The following PARP1 variants were observed in gnomAD, a reference collection of about 807,000 sequenced individuals.
PARP1 encodes poly(ADP-ribose) polymerase 1, also known as poly [ADP-ribose] polymerase 1.
PARP1 carries 44 observed loss-of-function variants against 118.7 expected under a neutral mutation model. That is an observed-to-expected ratio of 0.37 (90% CI 0.29 to 0.48). PARP1 has a LOEUF of 0.48. Ranked by LOEUF, PARP1 falls within the 20% of genes least tolerant of loss-of-function variation. The pLI, the probability that PARP1 is intolerant of heterozygous loss-of-function variation, is 0.99. For missense variants in PARP1, 1,100 were observed against 1,272.4 expected (o/e 0.86, Z 2.06); for synonymous variants, 492 against 483.2 (o/e 1.02, Z -0.24).
chr1:226,394,153 A>G (rs745578239), intron 2 of PARP1, among the ~76,000 whole-genome samples: 1 of 152,206 alleles, frequency 6.6e-6, no homozygotes, highest in African/African-American at 2.4e-5. Context: ...GTTCAAGACC[A>G]GCCTGGGCAA....
intron 19 of PARP1, among the ~76,000 whole-genome samples, chr1:226,364,638 T>C (rs1664216052): frequency 6.6e-6 from 1 of 152,188 alleles, no homozygotes; most frequent in Non-Finnish European, 1.5e-5. Context: ...AGGTAAAGCC[T>C]TACTCATTCA....
In PARP1 at chr1:226,384,833, T is replaced by C. The variant is rs558298141; in HGVS notation, c.1011+671A>G. On this transcript the variant is annotated intron_variant, in intron 7 of 22. Transcript: ENST00000366794. ...GGTAACGATTCCTGAGTGTGTACTG[T>C]GTGCCGCTGTTCCAAGTGCAACAGC... 1.1e-4 allele frequency among the ~76,000 whole-genome samples: 16 copies of C among 152,254 alleles called. No individual in the cohort carries two copies. In the South Asian group the frequency reaches 1.9e-3, roughly 18 times the overall value.
chr1:226,400,831 C>T (rs1376320154), intron 2 of PARP1, among the ~76,000 whole-genome samples: 4 of 152,224 alleles, frequency 2.6e-5, no homozygotes, highest in African/African-American at 9.6e-5. Flanking sequence ...ATGGATAATG[C>T]TGCTCCCTTC....
At chr1:226,407,079 A>T (rs1665164019) in intron 1 of PARP1, among the ~76,000 whole-genome samples, 2 of 152,250 alleles carry the variant, frequency 1.3e-5, no homozygotes, top group Non-Finnish European at 1.5e-5. Context: ...CAAGCCCACC[A>T]CCTCACAGAA....
chr1:226,405,479 CAT>C (rs985816003), intron 1 of PARP1, among the ~76,000 whole-genome samples: 1 of 152,034 alleles, frequency 6.6e-6, no homozygotes, highest in African/African-American at 2.4e-5. Context: ...CTAATCATTG[CAT>C]TTTTTTGTAG....
At chr1:226,378,996 C>T (rs1193342982) in intron 12 of PARP1, 146 bp downstream of exon 12, 10 of 966,744 alleles carry the variant, frequency 1.0e-5, no homozygotes, top group Admixed American at 8.5e-5. Context: ...AAGCAAAGGC[C>T]TTATAATTTG....
intron 21 of PARP1, 137 bp downstream of exon 21, chr1:226,362,962 A>C (rs924227135): frequency 4.2e-6 from 3 of 710,654 alleles, no homozygotes; most frequent in African/African-American, 1.8e-5. Context: ...ACGCACACAC[A>C]CCCCTCGAAA....
In PARP1 at chr1:226,379,909, T is replaced by C. The variant is rs747206831; in HGVS notation, c.1543+13A>G. On this transcript the variant is annotated intron_variant, in intron 10 of 22. Coordinates refer to ENST00000366794, the MANE Select transcript of PARP1 (RefSeq NM_001618.4). ...GGCTTTTGGCCCTGGAGGGGGCAGC[T>C]TGGGGCCCTCACCTTCCTCCTTGAC... 48 of 1,613,012 alleles carry C rather than the reference T, an allele frequency of 3.0e-5. No individual in the cohort carries two copies. Among genetic ancestry groups the C allele is most frequent in the Admixed American group, 1.3e-4 (8 of 60,008 alleles).
Position 226,377,103 on chromosome 1 carries a change from G to C in PARP1, c.1941+5C>G. 6.2e-7 allele frequency: 1 copy of C among 1,612,274 alleles called. No individual in the cohort carries two copies. Among genetic ancestry groups the C allele is most frequent in the Non-Finnish European group, 8.5e-7 (1 of 1,178,940 alleles). ...GCAGACAGTGTAAGGGCATTATGTG[G>C]TTACCTGGCCATAGTCAATCTCCAG... On this transcript the variant is annotated splice_donor_5th_base_variant and intron_variant, in intron 13 of 22. Coordinates refer to ENST00000366794, the MANE Select transcript of PARP1 (RefSeq NM_001618.4).
chr1:226,376,932 C>T (rs1664499438), intron 13 of PARP1, among the ~76,000 whole-genome samples, 176 bp downstream of exon 13: 1 of 152,120 alleles, frequency 6.6e-6, no homozygotes, highest in African/African-American at 2.4e-5. Flanking sequence ...ATGCAATGAG[C>T]TGGGAAGTAT....
chr1:226,392,406 T>C, intron 2 of PARP1, 92 bp from the exon 3 acceptor site: 1 of 846,842 alleles, frequency 1.2e-6, no homozygotes, highest in South Asian at 1.3e-5. Flanking sequence ...CCAGGATCCT[T>C]CCACTAGGAC....
chr1:226,392,915 GC>G (rs753901716), intron 2 of PARP1: 46 of 1,564,370 alleles, frequency 2.9e-5, no homozygotes, highest in Non-Finnish European at 3.9e-5. Context: ...AATGTTTCTT[GC>G]CTAAGATTAG....
intron 5 of PARP1, among the ~76,000 whole-genome samples, 181 bp from the exon 6 acceptor site, chr1:226,386,623 T>G (rs1269199419): frequency 6.6e-6 from 1 of 152,208 alleles, no homozygotes; most frequent in Non-Finnish European, 1.5e-5. Context: ...GGACACCAAA[T>G]TAAACCTGCT....
At position 226,370,442 on chromosome 1, in the gene PARP1, C is replaced by A; in HGVS notation, c.2146G>T (p.Val716Phe). The A allele has an allele frequency of 6.2e-7, 1 of 1,613,714 alleles. No homozygotes were observed. Among genetic ancestry groups the A allele is most frequent in the Middle Eastern group, 1.7e-4 (1 of 6,060 alleles). Residue 716 changes from valine (V) to phenylalanine (F), a missense_variant, in exon 15 of 23, where the codon GTC (valine) becomes TTC (phenylalanine). Physicochemically the swap from Val to Phe is conservative, Grantham distance 50. Around this residue, in one of 2 missense-constraint regions of PARP1, gnomAD observed 948 missense variants for 1,031.8 expected, o/e 0.92. Coordinates refer to ENST00000366794, the MANE Select transcript of PARP1 (RefSeq NM_001618.4). Reference protein sequence around the residue: ...IQAAYSILSEVQQAVSQGSSD... With the variant: ...IQAAYSILSEFQQAVSQGSSD... Reference sequence around the variant, plus strand: ...GGTAGCCCTGTGCTTACCTGCTGGACCTCACTGAGGATGGAGTATGCGGCC... The same window carrying A: ...GGTAGCCCTGTGCTTACCTGCTGGAACTCACTGAGGATGGAGTATGCGGCC...
chr1:226,374,200 CAG>C lies in PARP1; in HGVS notation c.2070+24_2070+25del, dbSNP rs1664447523. 2.5e-6 allele frequency: 4 copies of C among 1,612,610 alleles called. No homozygotes were observed. The South Asian group carries it at 4.4e-5, about 18-fold the overall frequency. On this transcript the variant is annotated intron_variant, in intron 14 of 22. Coordinates refer to ENST00000366794, the MANE Select transcript of PARP1 (RefSeq NM_001618.4). ...AATAATCATCCACAGCAAATGCTCA[CAG>C]ATAAAATGATAAAGCGCAATAACCT...
At chr1:226,363,035 G>A (rs1664181497) in intron 21 of PARP1, 64 bp downstream of exon 21, 2 of 1,126,490 alleles carry the variant, frequency 1.8e-6, no homozygotes, top group Non-Finnish European at 2.7e-6. Flanking sequence ...AGGACAGCAA[G>A]CCCCCGGCTT....
At chr1:226,367,281 T>G (rs1393173242) in intron 17 of PARP1, 199 bp downstream of exon 17, 4 of 643,560 alleles carry the variant, frequency 6.2e-6, no homozygotes, top group Non-Finnish European at 1.1e-5. Context: ...AGGTGCATTA[T>G]CTACACGTGA....
rs770194127 is a variant in PARP1 at position 226,367,609 on chromosome 1, C to T, written c.2278-1G>A. 1 of 1,614,090 alleles carries T rather than the reference C, an allele frequency of 6.2e-7. No homozygotes were observed. The highest frequency in any genetic ancestry group is 8.5e-7 in the Non-Finnish European group (1 of 1,180,034). ...GGTTGTCAAGCATTTCCACCTTGGC[C>T]TGGAGGAGCAAAAGAAAGCCCCCGA... On this transcript the variant is annotated splice_acceptor_variant, in intron 16 of 22. Transcript: ENST00000366794. LOFTEE classifies it high-confidence loss of function.
intron 3 of PARP1, 148 bp from the exon 4 acceptor site, chr1:226,390,772 G>C: frequency 2.7e-6 from 2 of 733,394 alleles, no homozygotes; most frequent in Non-Finnish European, 4.8e-6. Context: ...CTTTTGAGAG[G>C]TTTAGCTCTC....
Sources: gnomAD v4.1 joint callset for allele counts (sites outside exome capture counted in the v4.1 genomes callset) on GRCh38, gnomAD v4.1.1 for gene constraint, gnomAD v4.1.1 regional missense constraint, MANE v1.5 for transcripts, NCBI Gene and HGNC (gene_info 2026-07-23, HGNC 2026-07-21) for gene names.